Variants in CHRDL1 observed in about 807,000 individuals in gnomAD.
CHRDL1 encodes chordin-like protein 1.
In CHRDL1, 19 loss-of-function variants were observed where a neutral mutation model predicts 40.9. The ratio of observed to expected loss-of-function variants is 0.46; its 90% CI spans 0.32 to 0.68. The LOEUF (loss-of-function observed/expected upper bound fraction) is 0.68, where lower values mean the gene tolerates loss of function less well. Among genes scored for constraint, CHRDL1 ranks in the 30% least tolerant of loss-of-function variants. The probability of loss-of-function intolerance (pLI) is 0.03; values close to 1 mark genes in which losing one functional copy is unlikely to be tolerated. For synonymous variants in CHRDL1, 136 were observed against 123.4 expected, an observed-to-expected ratio of 1.10 and a Z score of -0.68; for missense variants, 329 against 352.1, an observed-to-expected ratio of 0.93 and a Z score of 0.53.
At chrX:110,710,174 C>G (rs1281652676) in intron 6 of CHRDL1, among the ~76,000 whole-genome samples, 1 of 111,868 alleles carries the variant, frequency 8.9e-6, no homozygotes, top group Non-Finnish European at 1.9e-5. Flanking sequence ...TCTCATGTAT[C>G]TTTTACCTCT....
At chrX:110,697,960 G>A (rs184454740) in intron 7 of CHRDL1, among the ~76,000 whole-genome samples, 18 of 109,400 alleles carry the variant, frequency 1.6e-4, no homozygotes. Context: ...ACTGTTTCAG[G>A]TTTTTACAAA....
chrX:110,723,897 C>A (rs2071009612), intron 4 of CHRDL1, among the ~76,000 whole-genome samples: 1 of 112,468 alleles, frequency 8.9e-6, no homozygotes, highest in South Asian at 3.7e-4. Context: ...AAGTTCCTTA[C>A]TTTTGCCTTA....
chrX:110,697,898 A>C, intron 7 of CHRDL1, among the ~76,000 whole-genome samples: 1 of 105,236 alleles, frequency 9.5e-6, no homozygotes, highest in African/African-American at 3.5e-5. Flanking sequence ...ACTCCCCACC[A>C]ATGGCACGAG....
chrX:110,679,404 AT>A lies in CHRDL1; in HGVS notation c.1177del (p.Ile393LeufsTer18), dbSNP rs1303183440. ...IRKGILQHFH[I>X]EKISKRMFEE... ...AAACATCCTCTTGGAGATCTTCTCA[AT>A]ATGGAAGTGCTGGAGAATGCCTAGG... On this transcript the variant is annotated frameshift_variant, in exon 11 of 12. Coordinates refer to ENST00000372042, the MANE Select transcript of CHRDL1 (RefSeq NM_001143981.2). LOFTEE classifies it high-confidence loss of function. The A allele has an allele frequency of 8.3e-7, 1 of 1,206,316 alleles. No homozygotes were observed. The highest frequency in any genetic ancestry group is 2.2e-5 in the Admixed American group (1 of 46,026).
At chrX:110,771,087 G>A (rs2089750423) in intron 2 of CHRDL1, among the ~76,000 whole-genome samples, 1 of 108,008 alleles carries the variant, frequency 9.3e-6, no homozygotes, top group Admixed American at 9.8e-5. Context: ...AGAGGTTGCA[G>A]TGAGCTGAGA....
chrX:110,786,575 G>A (rs2090020700), intron 2 of CHRDL1, among the ~76,000 whole-genome samples: 1 of 111,718 alleles, frequency 9.0e-6, no homozygotes, highest in African/African-American at 3.3e-5. Flanking sequence ...CATAGAACAC[G>A]AATGATTCAA....
intron 3 of CHRDL1, among the ~76,000 whole-genome samples, 166 bp from the exon 4 acceptor site, chrX:110,759,920 C>A (rs1246900057): frequency 9.0e-6 from 1 of 111,658 alleles, no homozygotes; most frequent in Non-Finnish European, 1.9e-5. Context: ...TCACCAGCAC[C>A]TCTGCTGGGT....
intron 6 of CHRDL1, among the ~76,000 whole-genome samples, 186 bp downstream of exon 6, chrX:110,719,649 A>T (rs77818046): frequency 4.9e-5 from 5 of 102,322 alleles, no homozygotes; most frequent in Non-Finnish European, 4.0e-5. Flanking sequence ...TTTTTTTTTT[A>T]AAGGCTGTGG....
At chrX:110,744,471 A>C (rs2071414804) in intron 4 of CHRDL1, among the ~76,000 whole-genome samples, 1 of 110,565 alleles carries the variant, frequency 9.0e-6, no homozygotes, top group African/African-American at 3.3e-5. Context: ...CTTCTATTTT[A>C]TGTTGCTATA....
In CHRDL1 at chrX:110,792,228, A is replaced by G; in HGVS notation, c.-34-13T>C. On this transcript the variant is annotated splice_polypyrimidine_tract_variant and intron_variant, in intron 1 of 11. Coordinates refer to ENST00000372042, the MANE Select transcript of CHRDL1 (RefSeq NM_001143981.2). ...CAGAACCTTCAAGCTGTTGGGAAGAAAGCAGAAAAAAGACTTAACACAGAT... is the reference window on the plus strand; with the variant it reads ...CAGAACCTTCAAGCTGTTGGGAAGAGAGCAGAAAAAAGACTTAACACAGAT... 1.3e-6 allele frequency: 1 copy of G among 748,260 alleles called. No individual in the cohort carries two copies. Among genetic ancestry groups the G allele is most frequent in the Non-Finnish European group, 2.0e-6 (1 of 491,879 alleles). The allele number at this position is 748,260 out of a possible 1,213,427, so 61.7% of individuals were successfully genotyped here.
chrX:110,722,448 C>T (rs988299861), intron 4 of CHRDL1, among the ~76,000 whole-genome samples: 2 of 109,947 alleles, frequency 1.8e-5, no homozygotes, highest in African/African-American at 3.3e-5. Flanking sequence ...CAGCTTATGC[C>T]GCCTTTCCTC....
intron 6 of CHRDL1, among the ~76,000 whole-genome samples, chrX:110,705,429 G>A (rs771637967): frequency 0.026 from 1 of 39 alleles, no homozygotes; most frequent in African/African-American, 0.059. Context: ...ACAAAAACAA[G>A]TAATGGGGGA....
In CHRDL1 at chrX:110,689,606, C is replaced by A. The variant is rs372268739; in HGVS notation, c.779-803G>T. 4.4e-3 allele frequency among the ~76,000 whole-genome samples: 10 copies of A among 2,297 alleles called. 1 individual carries two copies. Among genetic ancestry groups the A allele is most frequent in the African/African-American group, 0.025 (3 of 119 alleles). 2.0% of individuals were successfully genotyped at this position (2,297 alleles called of 115,157 possible). A position where few individuals can be genotyped will look rare whatever the true frequency, so the allele number is the denominator to read the frequency against. On this transcript the variant is annotated intron_variant, in intron 8 of 11. Coordinates refer to ENST00000372042, the MANE Select transcript of CHRDL1 (RefSeq NM_001143981.2). ...TATATATCTATATATCTATATATAT[C>A]TATATATCTATATATCTATATATCT...
At chrX:110,694,620 G>C (rs1379512851) in intron 7 of CHRDL1, among the ~76,000 whole-genome samples, 1 of 112,077 alleles carries the variant, frequency 8.9e-6, no homozygotes, top group Non-Finnish European at 1.9e-5. Flanking sequence ...GAGCCAAAAA[G>C]GCTAAAGCGT....
intron 1 of CHRDL1, among the ~76,000 whole-genome samples, chrX:110,794,673 G>A (rs2090155333): frequency 1.8e-5 from 2 of 112,427 alleles, no homozygotes; most frequent in Non-Finnish European, 3.8e-5. Flanking sequence ...CAAGTGTCAG[G>A]AGCCCACTTT....
At chrX:110,730,211 T>C (rs1483397787) in intron 4 of CHRDL1, among the ~76,000 whole-genome samples, 1 of 112,342 alleles carries the variant, frequency 8.9e-6, no homozygotes, top group Non-Finnish European at 1.9e-5. Flanking sequence ...TTTTTACCCC[T>C]GTGCAGTCTT....
At chrX:110,676,445 G>A in intron 11 of CHRDL1, 84 bp from the exon 12 acceptor site, 2 of 906,327 alleles carry the variant, frequency 2.2e-6, no homozygotes, top group Non-Finnish European at 3.1e-6. Context: ...TATACCCCAT[G>A]CTTACCCACT....
chrX:110,689,323 TA>T (rs1255430018), intron 8 of CHRDL1, among the ~76,000 whole-genome samples: 3 of 96,963 alleles, frequency 3.1e-5, no homozygotes, highest in Non-Finnish European at 6.1e-5. Context: ...TCTGAAACTC[TA>T]AGACTCAAGA....
chrX:110,706,413 T>C (rs1024542087), intron 6 of CHRDL1, among the ~76,000 whole-genome samples: 1 of 112,134 alleles, frequency 8.9e-6, no homozygotes, highest in Non-Finnish European at 1.9e-5. Context: ...AAAAGCCACA[T>C]GTATTGTTTA....
Sources: allele counts gnomAD v4.1 joint callset (sites outside exome capture counted in the v4.1 genomes callset), GRCh38; gene constraint gnomAD v4.1.1; transcripts MANE v1.5; gene names NCBI Gene and HGNC (gene_info 2026-07-23, HGNC 2026-07-21).